SYN3: variants seen among roughly 807,000 people sequenced by gnomAD.
The protein encoded by SYN3 is synapsin-3.
SYN3 carries 35 observed loss-of-function variants against 65.8 expected under a neutral mutation model. The ratio of observed to expected loss-of-function variants is 0.53; its 90% CI spans 0.41 to 0.70. SYN3 has a LOEUF of 0.70. Among genes scored for constraint, SYN3 ranks in the 30% least tolerant of loss-of-function variants. The pLI is 0.00. For synonymous variants in SYN3, 270 were observed against 292.9 expected, an observed-to-expected ratio of 0.92 and a Z score of 0.80; for missense variants, 680 against 749.0, an observed-to-expected ratio of 0.91 and a Z score of 1.08.
At chr22:32,958,205 A>C (rs1042123242) in intron 3 of SYN3, among the ~76,000 whole-genome samples, 1 of 152,036 alleles carries the variant, frequency 6.6e-6, no homozygotes, top group African/African-American at 2.4e-5. Flanking sequence ...CACTTCCACA[A>C]CCACATCAAC....
chr22:32,853,549 A>G (rs1376122958), intron 6 of SYN3, among the ~76,000 whole-genome samples: 1 of 152,218 alleles, frequency 6.6e-6, no homozygotes. Context: ...GGAAGCTAAC[A>G]TCTTGGAACT....
chr22:32,696,893 A>G (rs1053206069), intron 6 of SYN3, among the ~76,000 whole-genome samples: 1 of 152,184 alleles, frequency 6.6e-6, no homozygotes, highest in African/African-American at 2.4e-5. Context: ...ACCTCTCCCC[A>G]GAATGAAATT....
intron 6 of SYN3, among the ~76,000 whole-genome samples, chr22:32,806,898 C>A (rs1251967545): frequency 6.7e-6 from 1 of 148,684 alleles, no homozygotes; most frequent in Non-Finnish European, 1.5e-5. Flanking sequence ...CATTTACATA[C>A]ATAGGTATCC....
chr22:32,627,257 G>A (rs776776392), intron 6 of SYN3, among the ~76,000 whole-genome samples: 15 of 152,116 alleles, frequency 9.9e-5, no homozygotes, highest in Non-Finnish European at 1.9e-4. Context: ...GAAGGGCTGC[G>A]TTTTTTAAGC....
intron 6 of SYN3, among the ~76,000 whole-genome samples, chr22:32,744,769 C>A (rs1202724823): frequency 6.6e-6 from 1 of 152,150 alleles, no homozygotes; most frequent in Admixed American, 6.5e-5. Flanking sequence ...ACCACCACCA[C>A]CAAGGGCAAG....
chr22:32,945,254 C>G (rs532546484), intron 3 of SYN3, among the ~76,000 whole-genome samples: 1 of 152,300 alleles, frequency 6.6e-6, no homozygotes, highest in Non-Finnish European at 1.5e-5. Context: ...AGCGAAAGAA[C>G]AAAACTGGAG....
intron 4 of SYN3, among the ~76,000 whole-genome samples, chr22:32,882,020 A>C: frequency 1.3e-5 from 2 of 149,520 alleles, no homozygotes. Flanking sequence ...ATGCCACTGC[A>C]CTCCAGCCTG....
At chr22:32,571,990 G>A (rs550025790) in intron 7 of SYN3, among the ~76,000 whole-genome samples, 3 of 152,164 alleles carry the variant, frequency 2.0e-5, no homozygotes, top group African/African-American at 7.2e-5. Context: ...GGAAACTGCA[G>A]ATGGTGAGAT....
chr22:32,698,362 T>C (rs905147823), intron 6 of SYN3, among the ~76,000 whole-genome samples: 4 of 152,262 alleles, frequency 2.6e-5, no homozygotes, highest in African/African-American at 9.6e-5. Context: ...TCTCTATCAC[T>C]CTTACCTTAT....
At chr22:32,829,476 T>C (rs568686136) in intron 6 of SYN3, among the ~76,000 whole-genome samples, 23 of 152,286 alleles carry the variant, frequency 1.5e-4, no homozygotes, top group African/African-American at 4.1e-4. Flanking sequence ...GTAGGCTCAC[T>C]TCTTGGCCTG....
intron 6 of SYN3, among the ~76,000 whole-genome samples, chr22:32,622,063 T>G (rs1401349596): frequency 6.6e-6 from 1 of 151,552 alleles, no homozygotes; most frequent in Admixed American, 6.6e-5. Context: ...AGGCTAGGGG[T>G]GGGGAATCTG....
At chr22:32,841,964 G>A (rs1161484489) in intron 6 of SYN3, among the ~76,000 whole-genome samples, 2 of 152,294 alleles carry the variant, frequency 1.3e-5, no homozygotes, top group South Asian at 2.1e-4. Flanking sequence ...AACATAGCAG[G>A]ACCACGAGCC....
chr22:32,559,113 T>C (rs1159193786), intron 7 of SYN3, among the ~76,000 whole-genome samples: 4 of 152,236 alleles, frequency 2.6e-5, no homozygotes, highest in African/African-American at 9.6e-5. Context: ...ACTATTCCCA[T>C]TTCATACATG....
chr22:32,925,381 C>T (rs2050441539), intron 4 of SYN3, among the ~76,000 whole-genome samples: 1 of 152,322 alleles, frequency 6.6e-6, no homozygotes. Flanking sequence ...TGAGGTACTA[C>T]GAGTTGAGAC....
At chr22:32,975,245 G>A (rs1363733049) in intron 3 of SYN3, among the ~76,000 whole-genome samples, 2 of 151,978 alleles carry the variant, frequency 1.3e-5, no homozygotes, top group Non-Finnish European at 2.9e-5. Flanking sequence ...CCTGGTGGCA[G>A]GTGCCTGTAA....
intron 6 of SYN3, among the ~76,000 whole-genome samples, chr22:32,692,371 C>T (rs1343889019): frequency 6.6e-6 from 1 of 152,164 alleles, no homozygotes; most frequent in Non-Finnish European, 1.5e-5. Context: ...TCCCCATCAG[C>T]CTGCTGGAGC....
chr22:32,710,099 A>ACATATG (rs1555931598), intron 6 of SYN3, among the ~76,000 whole-genome samples: 2 of 65,630 alleles, frequency 3.0e-5, no homozygotes, highest in Admixed American at 1.9e-4. Context: ...ACACACACAC[A>ACATATG]TGTGTGTGTG....
At chr22:32,974,474 G>A (rs542983545) in intron 3 of SYN3, among the ~76,000 whole-genome samples, 1 of 152,326 alleles carries the variant, frequency 6.6e-6, no homozygotes, top group South Asian at 2.1e-4. Flanking sequence ...ACCTATCAGA[G>A]ACCTTTCTTC....
At chr22:32,621,286 G>T (rs2059589722) in intron 6 of SYN3, among the ~76,000 whole-genome samples, 1 of 143,500 alleles carries the variant, frequency 7.0e-6, no homozygotes, top group East Asian at 2.0e-4. Context: ...GCTGGTCCTG[G>T]TAACTTTTGC....
Sources: allele counts gnomAD v4.1 joint callset (sites outside exome capture counted in the v4.1 genomes callset), GRCh38; gene constraint gnomAD v4.1.1; transcripts MANE v1.5; gene names NCBI Gene and HGNC (gene_info 2026-07-23, HGNC 2026-07-21).